The following RNF150 variants were observed in gnomAD, a reference collection of about 807,000 sequenced individuals.
The protein encoded by RNF150 is ring finger protein 150.
Under a neutral mutation model 39.3 loss-of-function variants are expected in RNF150, and 24 were observed. The ratio of observed to expected loss-of-function variants is 0.61; its 90% CI spans 0.44 to 0.86. RNF150 has a LOEUF of 0.86. Among genes scored for constraint, RNF150 ranks in the 40% least tolerant of loss-of-function variants. RNF150 has a pLI of 0.00. For synonymous variants in RNF150, 255 were observed against 227.3 expected (o/e 1.12, Z -1.10); for missense variants, 502 against 587.8 (o/e 0.85, Z 1.51).
At chr4:141,181,115 C>T (rs757037952) in intron 1 of RNF150, among the ~76,000 whole-genome samples, 44 of 152,132 alleles carry the variant, frequency 2.9e-4, no homozygotes, top group South Asian at 4.1e-4. Context: ...CACAGTCTTT[C>T]GGGGTTTATT....
chr4:141,001,987 G>T (rs920333633), intron 1 of RNF150, among the ~76,000 whole-genome samples: 1 of 151,968 alleles, frequency 6.6e-6, no homozygotes, highest in African/African-American at 2.4e-5. Flanking sequence ...AATAACATTT[G>T]TGGAGTAATC....
At chr4:140,944,594 A>G (rs1732213309) in intron 4 of RNF150, 1 of 152,242 alleles carries the variant, frequency 6.6e-6, no homozygotes, top group African/African-American at 2.4e-5. Context: ...GGTCTCAGAA[A>G]GAGACAAGCG....
At chr4:141,105,324 T>G (rs1235922006) in intron 1 of RNF150, among the ~76,000 whole-genome samples, 3 of 152,210 alleles carry the variant, frequency 2.0e-5, no homozygotes, top group South Asian at 2.1e-4. Flanking sequence ...CTGAATTGGA[T>G]TTTTGGTATC....
chr4:140,874,223 T>C (rs1729059651), intron 6 of RNF150, among the ~76,000 whole-genome samples: 1 of 152,192 alleles, frequency 6.6e-6, no homozygotes, highest in African/African-American at 2.4e-5. Context: ...ATTGCAGTTG[T>C]AGTTCTGCTG....
At chr4:141,125,127 C>T (rs1726715896) in intron 1 of RNF150, among the ~76,000 whole-genome samples, 1 of 152,076 alleles carries the variant, frequency 6.6e-6, no homozygotes, top group African/African-American at 2.4e-5. Flanking sequence ...TTATAGAAAA[C>T]TGAGACCTAG....
At chr4:141,204,279 G>A (rs1057444987) in intron 1 of RNF150, among the ~76,000 whole-genome samples, 1 of 152,154 alleles carries the variant, frequency 6.6e-6, no homozygotes, top group Non-Finnish European at 1.5e-5. Context: ...TGCAGGAGCA[G>A]TGAGAACAGA....
At chr4:141,066,435 T>C (rs1737464856) in intron 1 of RNF150, among the ~76,000 whole-genome samples, 1 of 152,184 alleles carries the variant, frequency 6.6e-6, no homozygotes, top group Non-Finnish European at 1.5e-5. Context: ...TGAAGCCTAA[T>C]CTTAAAAAAT....
At chr4:141,022,318 C>T (rs1348780885) in intron 1 of RNF150, among the ~76,000 whole-genome samples, 1 of 152,090 alleles carries the variant, frequency 6.6e-6, no homozygotes, top group East Asian at 1.9e-4. Context: ...TATCCCCCCT[C>T]TAACTCTGCC....
chr4:140,973,554 A>G (rs1357875874), intron 1 of RNF150, among the ~76,000 whole-genome samples: 3 of 151,746 alleles, frequency 2.0e-5, no homozygotes, highest in African/African-American at 7.3e-5. Flanking sequence ...AAAAAACTGT[A>G]TTTTGAAATA....
At position 141,077,734 on chromosome 4, in the gene RNF150, A is replaced by C. The variant is rs143804835; in HGVS notation, c.484+54591T>G. On this transcript the variant is annotated intron_variant, in intron 1 of 6. Coordinates refer to ENST00000515673, the MANE Select transcript of RNF150 (RefSeq NM_020724.2). ...ACCTGGTTAAGTGACCAACCAGCCTAGGGTTCTGACTACAAACAAATCAGG... is the reference window on the plus strand; with the variant it reads ...ACCTGGTTAAGTGACCAACCAGCCTCGGGTTCTGACTACAAACAAATCAGG... Among the ~76,000 whole-genome samples the C allele has an allele frequency of 4.7e-4, 72 of 152,302 alleles. 1 individual carries two copies. In the East Asian group the frequency reaches 8.7e-3, roughly 18 times the overall value.
intron 6 of RNF150, among the ~76,000 whole-genome samples, chr4:140,904,515 G>A (rs1295191741): frequency 2.6e-5 from 4 of 152,228 alleles, no homozygotes; most frequent in South Asian, 2.1e-4. Context: ...AGGCTTTAAT[G>A]CAAATCAAAA....
At chr4:141,209,627 A>G (rs1728430896) in intron 1 of RNF150, among the ~76,000 whole-genome samples, 1 of 152,124 alleles carries the variant, frequency 6.6e-6, no homozygotes. Context: ...TCCTTTGCCC[A>G]TTTTTTGATT....
At chr4:140,965,641 A>C (rs116511344) in intron 2 of RNF150, among the ~76,000 whole-genome samples, 93 of 152,252 alleles carry the variant, frequency 6.1e-4, no homozygotes, top group African/African-American at 2.1e-3. Flanking sequence ...TGTTAAGTGA[A>C]ATCAGCCAGA....
intron 1 of RNF150, among the ~76,000 whole-genome samples, chr4:141,032,184 G>A (rs1203784938): frequency 6.6e-6 from 1 of 152,054 alleles, no homozygotes; most frequent in East Asian, 1.9e-4. Context: ...AACAGGCACA[G>A]AAGGACAAAC....
At chr4:141,212,515 A>G (rs1476292627) in intron 1 of RNF150, among the ~76,000 whole-genome samples, 1 of 152,112 alleles carries the variant, frequency 6.6e-6, no homozygotes, top group Non-Finnish European at 1.5e-5. Flanking sequence ...GGTGTTTTTT[A>G]TCTTTGATTT....
chr4:141,113,043 C>T (rs1044676620), intron 1 of RNF150, among the ~76,000 whole-genome samples: 7 of 151,902 alleles, frequency 4.6e-5, no homozygotes, highest in African/African-American at 1.5e-4. Context: ...GTATGTCTCA[C>T]GAAGTTCTCG....
intron 5 of RNF150, among the ~76,000 whole-genome samples, chr4:140,924,133 C>A (rs547604567): frequency 4.6e-5 from 7 of 152,038 alleles, no homozygotes; most frequent in Admixed American, 3.9e-4. Context: ...AAAAAAAAAT[C>A]TTTACCAAAT....
chr4:141,165,341 T>C (rs1025918184), intron 1 of RNF150, among the ~76,000 whole-genome samples: 1 of 152,110 alleles, frequency 6.6e-6, no homozygotes, highest in Non-Finnish European at 1.5e-5. Context: ...TCCCACGCAA[T>C]AATAGTGGGA....
At chr4:140,999,966 G>GA (rs751146720) in intron 1 of RNF150, among the ~76,000 whole-genome samples, 2 of 31,918 alleles carry the variant, frequency 6.3e-5, no homozygotes, top group Non-Finnish European at 1.8e-4. Flanking sequence ...AGAAGAAGAA[G>GA]AAGAAGAAGA....
Sources: gnomAD v4.1 joint callset for allele counts (sites outside exome capture counted in the v4.1 genomes callset) on GRCh38, gnomAD v4.1.1 for gene constraint, MANE v1.5 for transcripts, NCBI Gene and HGNC (gene_info 2026-07-23, HGNC 2026-07-21) for gene names.